The following MYO5B variants were observed in gnomAD, a reference collection of about 807,000 sequenced individuals.
MYO5B encodes myosin VB.
Under a neutral mutation model 229.3 loss-of-function variants are expected in MYO5B, and 143 were observed. The ratio of observed to expected loss-of-function variants is 0.62; its 90% CI spans 0.54 to 0.72. The LOEUF is 0.72. Among genes scored for constraint, MYO5B ranks in the 30% least tolerant of loss-of-function variants. The pLI, the probability that MYO5B is intolerant of heterozygous loss-of-function variation, is 0.00. For synonymous variants in MYO5B, 918 were observed against 885.2 expected, an observed-to-expected ratio of 1.04 and a Z score of -0.66; for missense variants, 2,321 against 2,331.0, an observed-to-expected ratio of 1.00 and a Z score of 0.09.
At chr18:50,122,632 GGGGAGAGAGAGAGAGA>G (rs2032082339) in intron 1 of MYO5B, among the ~76,000 whole-genome samples, 2 of 13,376 alleles carry the variant, frequency 1.5e-4, no homozygotes, top group African/African-American at 4.4e-4. Flanking sequence ...GGGAAGGGGG[GGGGAGAGAGAGAGAGA>G]GAGAGAGAGA....
At chr18:50,173,395 G>A (rs1402438812) in intron 1 of MYO5B, among the ~76,000 whole-genome samples, 1 of 152,180 alleles carries the variant, frequency 6.6e-6, no homozygotes, top group African/African-American at 2.4e-5. Flanking sequence ...GCCTGGTAAG[G>A]GGTTTGGATT....
In MYO5B at chr18:49,872,237, A is replaced by T. The variant is rs930445483; in HGVS notation, c.3538-5T>A. The T allele has an allele frequency of 6.2e-7, 1 of 1,614,032 alleles. No homozygotes were observed. Among genetic ancestry groups the T allele is most frequent in the Admixed American group, 1.7e-5 (1 of 60,024 alleles). ...GTCAGTCTGTGGTGGTTCCGCCTGC[A>T]TGGATAGAGACACAAAGATAAGTGC... On this transcript the variant is annotated splice_polypyrimidine_tract_variant and splice_region_variant and intron_variant, in intron 26 of 39. Transcript: ENST00000285039.
chr18:50,008,514 T>C (rs2026127686), intron 4 of MYO5B, among the ~76,000 whole-genome samples: 1 of 152,160 alleles, frequency 6.6e-6, no homozygotes, highest in Non-Finnish European at 1.5e-5. Flanking sequence ...CAGCCTTCCA[T>C]GATTCACCCA....
chr18:50,009,080 G>A (rs1400913832), intron 4 of MYO5B, among the ~76,000 whole-genome samples: 1 of 152,182 alleles, frequency 6.6e-6, no homozygotes, highest in Admixed American at 6.5e-5. Context: ...GACTTAAAAT[G>A]ATAATAGTAT....
At chr18:50,130,987 C>T (rs1284648924) in intron 1 of MYO5B, among the ~76,000 whole-genome samples, 1 of 152,184 alleles carries the variant, frequency 6.6e-6, no homozygotes, top group African/African-American at 2.4e-5. Flanking sequence ...TAGCCCCATG[C>T]CTATCATGTT....
At chr18:50,166,187 C>T (rs568967452) in intron 1 of MYO5B, among the ~76,000 whole-genome samples, 6 of 152,338 alleles carry the variant, frequency 3.9e-5, no homozygotes, top group African/African-American at 1.2e-4. Context: ...GCCTGCCACA[C>T]ATTTTATGAG....
At position 49,974,600 on chromosome 18, in the gene MYO5B, G is replaced by C. The variant is rs748735483; in HGVS notation, c.1072C>G (p.Leu358Val). 9 of 1,613,802 alleles carry C rather than the reference G, an allele frequency of 5.6e-6. No homozygotes were observed. The African/African-American group carries it at 1.2e-4, about 22-fold the overall frequency. Residue 358 changes from leucine to valine, a missense_variant, in exon 10 of 40, where the codon CTA becomes GTA. Leu to Val is a conservative substitution (Grantham distance 32). Coordinates refer to ENST00000285039, the MANE Select transcript of MYO5B (RefSeq NM_001080467.3). ...SCSISPQDVY[L>V]SNFCRLLGVE... is the part of the protein sequence containing the mutation. ...CCTAGCAGTCGGCAGAAGTTGCTTA[G>C]GTATACATCCTGGGGCTGTGGGAGA...
At chr18:49,930,732 A>G (rs1013701997) in intron 16 of MYO5B, among the ~76,000 whole-genome samples, 1 of 152,038 alleles carries the variant, frequency 6.6e-6, no homozygotes, top group Admixed American at 6.6e-5. Flanking sequence ...CTCTACTAAA[A>G]ATATAAAAAA....
rs1489724704 is a variant in MYO5B, at chr18:49,974,388, G to A, written c.1284C>T (p.Leu428=). The A allele has an allele frequency of 1.9e-6, 3 of 1,614,102 alleles. No individual in the cohort carries two copies. In the African/African-American group the frequency reaches 4.0e-5, roughly 22 times the overall value. ...EHINKALHTS[L]KQHSFIGVLD... ...GGACCCCGATGAAGGAGTGCTGCTT[G>A]AGGGAGGTGTGCAGGGCCTTGTTGA... is the stretch of plus-strand genomic sequence containing the variant. The change falls in exon 10 of 40, where the codon CTC becomes CTT. Residue 428 remains leucine, a synonymous_variant. Coordinates refer to ENST00000285039, the MANE Select transcript of MYO5B (RefSeq NM_001080467.3).
At chr18:49,971,785 C>A (rs1485317426) in intron 10 of MYO5B, among the ~76,000 whole-genome samples, 1 of 152,198 alleles carries the variant, frequency 6.6e-6, no homozygotes, top group Non-Finnish European at 1.5e-5. Context: ...AACTTGTTAT[C>A]CTTAACTCAG....
intron 1 of MYO5B, among the ~76,000 whole-genome samples, chr18:50,119,926 T>TA (rs113808860): frequency 1.8e-4 from 28 of 151,976 alleles, no homozygotes; most frequent in African/African-American, 4.8e-4. Flanking sequence ...AACAGTGGGC[T>TA]AGAACCAAGA....
At chr18:49,901,718 CAGAT>C (rs1481255693) in intron 21 of MYO5B, among the ~76,000 whole-genome samples, 1 of 152,202 alleles carries the variant, frequency 6.6e-6, no homozygotes, top group African/African-American at 2.4e-5. Context: ...GGCAGACAGA[CAGAT>C]AGGCAGACAG....
At chr18:49,848,765 T>G (rs2024162663) in intron 32 of MYO5B, among the ~76,000 whole-genome samples, 1 of 151,866 alleles carries the variant, frequency 6.6e-6, no homozygotes, top group African/African-American at 2.4e-5. Context: ...ACTGGAGGAA[T>G]AGCAAATCCA....
chr18:49,980,378 T>G, intron 9 of MYO5B, 66 bp downstream of exon 9: 2 of 1,133,366 alleles, frequency 1.8e-6, no homozygotes, highest in South Asian at 2.5e-5. Flanking sequence ...AAAGACACAT[T>G]TCAGTCATAT....
At chr18:50,137,495 A>ATAGAT (rs1186391605) in intron 1 of MYO5B, among the ~76,000 whole-genome samples, 1 of 152,240 alleles carries the variant, frequency 6.6e-6, no homozygotes, top group Non-Finnish European at 1.5e-5. Flanking sequence ...AGGAAGCTGT[A>ATAGAT]TAGATTATCT....
intron 15 of MYO5B, among the ~76,000 whole-genome samples, chr18:49,936,618 A>G (rs540545102): frequency 1.4e-4 from 22 of 152,220 alleles, no homozygotes; most frequent in Middle Eastern, 3.4e-3. Flanking sequence ...AGTGCTGTGG[A>G]TCAAATAAGA....
In MYO5B at chr18:50,027,593, G is replaced by A. The variant is rs574518117; in HGVS notation, c.455+9257C>T. On this transcript the variant is annotated intron_variant, in intron 4 of 39. Transcript: ENST00000285039. ...AAGTCATGATTGACTAACCCAGTGT[G>A]TGCAGGTTTTAGCAAGACTTAGTAC... Among the ~76,000 whole-genome samples the A allele has an allele frequency of 6.6e-5, 10 of 152,354 alleles. No homozygotes were observed. In the South Asian group the frequency reaches 2.1e-3, roughly 32 times the overall value.
intron 5 of MYO5B, among the ~76,000 whole-genome samples, chr18:49,998,147 A>C (rs1228875512): frequency 6.6e-6 from 1 of 152,098 alleles, no homozygotes; most frequent in Non-Finnish European, 1.5e-5. Flanking sequence ...CCTGGCTATA[A>C]TTCTTCCTTT....
intron 2 of MYO5B, among the ~76,000 whole-genome samples, chr18:50,043,222 G>A (rs1442608616): frequency 2.1e-5 from 3 of 139,904 alleles, no homozygotes; most frequent in Non-Finnish European, 4.5e-5. Context: ...TGTGGTGTGT[G>A]TGTATATATA....
Sources: gnomAD v4.1 joint callset for allele counts (sites outside exome capture counted in the v4.1 genomes callset) on GRCh38, gnomAD v4.1.1 for gene constraint, MANE v1.5 for transcripts, NCBI Gene and HGNC (gene_info 2026-07-23, HGNC 2026-07-21) for gene names.